SKIC3: variants seen among roughly 807,000 people sequenced by gnomAD.
The protein encoded by SKIC3 is SKI3 subunit of superkiller complex.
chr5:95,549,998 T>C, the SKIC3 span, among the ~76,000 whole-genome samples: 6 of 152,144 alleles, frequency 3.9e-5, no homozygotes, highest in East Asian at 5.8e-4. Context: ...GAGATGTCTT[T>C]AATATTCTTC....
At chr5:95,519,479 GA>G in the SKIC3 span, among the ~76,000 whole-genome samples, 1 of 151,886 alleles carries the variant, frequency 6.6e-6, no homozygotes, top group South Asian at 2.1e-4. Flanking sequence ...CTGAGAATCT[GA>G]AAGAAGGGCA....
At chr5:95,500,194 G>A in the SKIC3 span, among the ~76,000 whole-genome samples, 1 of 152,106 alleles carries the variant, frequency 6.6e-6, no homozygotes, top group Non-Finnish European at 1.5e-5. Flanking sequence ...GAAAAATAAA[G>A]TTTGTTGTAC....
the SKIC3 span, among the ~76,000 whole-genome samples, chr5:95,466,610 C>T: frequency 6.6e-6 from 1 of 152,156 alleles, no homozygotes. Context: ...GAAATATAGG[C>T]AGGCAAAAAT....
At chr5:95,507,110 C>T in the SKIC3 span, 1 of 1,130,280 alleles carries the variant, frequency 8.8e-7, no homozygotes, top group East Asian at 2.4e-5. Context: ...TTTAATTCTA[C>T]TAATTCTTTG....
chr5:95,510,609 CAAG>C, the SKIC3 span, among the ~76,000 whole-genome samples: 1 of 152,164 alleles, frequency 6.6e-6, no homozygotes. Context: ...ACTGACTGCG[CAAG>C]AAGACAGCTT....
At chr5:95,494,727 T>C in the SKIC3 span, 2 of 1,613,732 alleles carry the variant, frequency 1.2e-6, no homozygotes, top group Non-Finnish European at 8.5e-7. Context: ...AGTGCAGTAT[T>C]TTTTTCATCT....
the SKIC3 span, chr5:95,541,725 T>C: frequency 4.2e-6 from 4 of 948,284 alleles, no homozygotes; most frequent in Non-Finnish European, 6.4e-6. Context: ...CAATTCCCAG[T>C]AAATGCTGGA....
chr5:95,551,974 T>G, the SKIC3 span, among the ~76,000 whole-genome samples: 4 of 152,168 alleles, frequency 2.6e-5, no homozygotes, highest in Admixed American at 6.5e-5. Flanking sequence ...TGTTAAAAAT[T>G]TTCCCTACAC....
the SKIC3 span, chr5:95,478,404 T>C: frequency 6.2e-7 from 1 of 1,613,936 alleles, no homozygotes. Context: ...TCTCTGCAGC[T>C]CTCATCATTC....
At chr5:95,490,760 A>G in the SKIC3 span, 2 of 979,554 alleles carry the variant, frequency 2.0e-6, no homozygotes, top group African/African-American at 3.3e-5. Context: ...GGCCTCCCAA[A>G]GTGCTGGGAT....
chr5:95,471,814 T>G, the SKIC3 span, among the ~76,000 whole-genome samples: 1 of 152,202 alleles, frequency 6.6e-6, no homozygotes, highest in East Asian at 1.9e-4. Flanking sequence ...TTTCTCAATC[T>G]GGCTTTAGCA....
the SKIC3 span, chr5:95,520,920 GA>G: frequency 1.2e-6 from 1 of 861,942 alleles, no homozygotes; most frequent in South Asian, 1.5e-5. Flanking sequence ...GCACTTTCCA[GA>G]AAATAAAACT....
the SKIC3 span, among the ~76,000 whole-genome samples, chr5:95,470,063 T>G: frequency 2.0e-5 from 3 of 151,464 alleles, no homozygotes; most frequent in African/African-American, 7.3e-5. Context: ...TTGCAAGCTC[T>G]GCCTCCCAGG....
the SKIC3 span, among the ~76,000 whole-genome samples, chr5:95,504,620 G>A: frequency 6.6e-6 from 1 of 151,888 alleles, no homozygotes; most frequent in Non-Finnish European, 1.5e-5. Context: ...TGTGTAAACT[G>A]TTTATCTGCA....
the SKIC3 span, chr5:95,482,510 G>GT: frequency 1.2e-6 from 2 of 1,613,988 alleles, no homozygotes; most frequent in Non-Finnish European, 8.5e-7. Context: ...GGACATGACT[G>GT]TTTTTTGTAG....
chr5:95,479,575 AGT>A, the SKIC3 span, among the ~76,000 whole-genome samples: 1 of 152,058 alleles, frequency 6.6e-6, no homozygotes, highest in African/African-American at 2.4e-5. Flanking sequence ...ATTATAATAT[AGT>A]GTTATAACTT....
At chr5:95,524,374 TA>T in the SKIC3 span, 8 of 1,545,346 alleles carry the variant, frequency 5.2e-6, no homozygotes, top group East Asian at 2.4e-5. Context: ...AACAGTTCAG[TA>T]AAGAGTAATT....
chr5:95,545,584 T>C, the SKIC3 span, among the ~76,000 whole-genome samples: 1 of 152,150 alleles, frequency 6.6e-6, no homozygotes, highest in Non-Finnish European at 1.5e-5. Context: ...ATCCTACAGA[T>C]TGCAGATGAC....
the SKIC3 span, among the ~76,000 whole-genome samples, chr5:95,534,050 C>T: frequency 6.6e-6 from 1 of 151,942 alleles, no homozygotes; most frequent in Non-Finnish European, 1.5e-5. Flanking sequence ...TGAACACCAG[C>T]CATTAATTTT....
Sources: gnomAD v4.1 joint callset for allele counts (sites outside exome capture counted in the v4.1 genomes callset) on GRCh38, gnomAD v4.1.1 for gene constraint, MANE v1.5 for transcripts, NCBI Gene and HGNC (gene_info 2026-07-23, HGNC 2026-07-21) for gene names.